SEMA5B: variants seen among roughly 807,000 people sequenced by gnomAD.
SEMA5B encodes the protein semaphorin 5B.
SEMA5B carries 66 observed loss-of-function variants against 135.0 expected under a neutral mutation model. That is an observed-to-expected ratio of 0.49 (90% CI 0.40 to 0.60). The LOEUF (loss-of-function observed/expected upper bound fraction) is 0.60. Ranked by LOEUF, SEMA5B falls within the 20% of genes least tolerant of loss-of-function variation. The pLI is 0.00. For synonymous variants in SEMA5B, 690 were observed against 639.5 expected (o/e 1.08, Z -1.19); for missense variants, 1,501 against 1,566.3 (o/e 0.96, Z 0.70).
At chr3:122,927,755 G>C in intron 8 of SEMA5B, 35 bp downstream of exon 8, 2 of 1,373,042 alleles carry the variant, frequency 1.5e-6, no homozygotes, top group Non-Finnish European at 1.9e-6. Flanking sequence ...TCAAAACCAG[G>C]GGAGTCCCCA....
chr3:122,968,671 G>A (rs914873826), intron 1 of SEMA5B, among the ~76,000 whole-genome samples: 3 of 152,124 alleles, frequency 2.0e-5, no homozygotes, highest in African/African-American at 4.8e-5. Flanking sequence ...GGCATCTGAG[G>A]TCATCCTGTC....
At chr3:123,016,483 C>G (rs181158584) in intron 1 of SEMA5B, among the ~76,000 whole-genome samples, 1 of 152,136 alleles carries the variant, frequency 6.6e-6, no homozygotes, top group Admixed American at 6.5e-5. Context: ...GTAAGTACTA[C>G]GTAAATAGTT....
chr3:122,992,621 C>A (rs73856797), intron 1 of SEMA5B, among the ~76,000 whole-genome samples: 5 of 152,156 alleles, frequency 3.3e-5, no homozygotes, highest in Admixed American at 3.3e-4. Context: ...CTCCTCACCC[C>A]CTATTGGCCC....
intron 1 of SEMA5B, among the ~76,000 whole-genome samples, chr3:122,972,761 G>A (rs956356366): frequency 6.6e-6 from 1 of 152,132 alleles, no homozygotes; most frequent in African/African-American, 2.4e-5. Context: ...TCACAACCAC[G>A]ATGCCATCAG....
rs2276781 is a variant in SEMA5B, at chr3:122,913,589, A to G, written c.2225T>C (p.Met742Thr). ...SKCSSNCGGG[M>T]QSRRRACENG... ...CTCGCAGGCCCGACGCCGCGACTGC[A>G]TGCCCCCTCCACAGTTGCTGCTGCA... The change falls in exon 16 of 23, where the codon ATG becomes ACG. Residue 742 changes from methionine (M) to threonine (T), a missense_variant. Around this residue, in one of 2 missense-constraint regions of SEMA5B, gnomAD observed 927 missense variants for 881.6 expected, o/e 1.05. Transcript: ENST00000357599. 0.048 allele frequency: 77,572 copies of G among 1,613,094 alleles called. 2,273 individuals carry two copies. Among genetic ancestry groups the G allele is most frequent in the South Asian group, 0.094 (8,516 of 91,006 alleles).
chr3:122,957,741 G>T (rs947908498), intron 2 of SEMA5B, among the ~76,000 whole-genome samples: 2 of 152,192 alleles, frequency 1.3e-5, no homozygotes, highest in Non-Finnish European at 2.9e-5. Context: ...CTTGCCCAAG[G>T]TCCCCCTGCC....
At position 122,913,862 on chromosome 3, in the gene SEMA5B, C is replaced by A; in HGVS notation, c.2128G>T (p.Glu710Ter). The A allele has an allele frequency of 6.2e-7, 1 of 1,603,148 alleles. No individual in the cohort carries two copies. ...AGCAAGCCTGTTCTCCCTCACCGTT[C>A]CTCCCGGCTCTTGCCCACGCAGATG... is the stretch of plus-strand genomic sequence containing the variant. Reference protein sequence around the residue: ...GRICVGKSREERFCNENTPCP... With the variant: ...GRICVGKSRE The change falls in exon 15 of 23, where the codon GAA becomes TAA. Residue 710 changes from glutamate to a stop codon, truncating the protein, a stop_gained. Transcript: ENST00000357599. LOFTEE classifies it high-confidence loss of function.
intron 1 of SEMA5B, among the ~76,000 whole-genome samples, chr3:122,978,480 T>A (rs572560544): frequency 6.6e-5 from 10 of 152,124 alleles, no homozygotes; most frequent in Admixed American, 2.6e-4. Flanking sequence ...CAGAGCTAGG[T>A]TTTTTCTTTT....
At chr3:123,014,322 G>A (rs907148555) in intron 1 of SEMA5B, among the ~76,000 whole-genome samples, 3 of 152,214 alleles carry the variant, frequency 2.0e-5, no homozygotes, top group East Asian at 3.8e-4. Context: ...AGTAGACAGC[G>A]TGTGTTTGGT....
chr3:122,915,518 C>T lies in SEMA5B; in HGVS notation c.1910G>A (p.Arg637Gln), dbSNP rs778251817. ...DNSGSCLCRA[R>Q]SCDSPRPRCG... ...GCGGGGTCGAGGGGAATCACAGGAT[C>T]GAGCTCGACACAGGCAAGAGCCTGA... is the stretch of plus-strand genomic sequence containing the variant. The change falls in exon 14 of 23, where the codon CGA becomes CAA. Residue 637 changes from arginine to glutamine, a missense_variant. Physicochemically the swap from Arg to Gln is conservative, Grantham distance 43. Transcript: ENST00000357599. 16 of 1,613,954 alleles carry T rather than the reference C, an allele frequency of 9.9e-6. No individual in the cohort carries two copies. The highest frequency in any genetic ancestry group is 7.7e-5 in the South Asian group (7 of 91,072).
chr3:122,911,856 G>A, intron 20 of SEMA5B, 64 bp downstream of exon 20: 1 of 1,510,864 alleles, frequency 6.6e-7, no homozygotes, highest in African/African-American at 1.4e-5. Context: ...GCTTCAGAAG[G>A]AGAAGGAAGT....
At position 122,909,823 on chromosome 3, in the gene SEMA5B, A is replaced by C. The variant is rs903186810; in HGVS notation, c.*320T>G. 4 of 247,796 alleles carry C rather than the reference A, an allele frequency of 1.6e-5. No individual in the cohort carries two copies. The highest frequency in any genetic ancestry group is 3.1e-5 in the Non-Finnish European group (4 of 130,586). The allele number at this position is 247,796 out of a possible 1,614,324, so 15.3% of individuals were successfully genotyped here. A position where few individuals can be genotyped will look rare whatever the true frequency, so the allele number is the denominator to read the frequency against. On this transcript the variant is annotated 3_prime_UTR_variant, in exon 23 of 23. Transcript: ENST00000357599. ...AAAAGCCTGCCCTCTTGCCATCTCCATTCTCCAATTCCTCAAATGCCCAGT... is the reference window on the plus strand; with the variant it reads ...AAAAGCCTGCCCTCTTGCCATCTCCCTTCTCCAATTCCTCAAATGCCCAGT...
chr3:122,936,810 C>T (rs1252553494), intron 5 of SEMA5B, among the ~76,000 whole-genome samples: 3 of 152,314 alleles, frequency 2.0e-5, no homozygotes, highest in African/African-American at 7.2e-5. Context: ...ACACACTGCC[C>T]CATCTGCTCC....
rs545704662 is a variant in SEMA5B, at chr3:122,978,115, G to A, written c.-38-16814C>T. 3.9e-5 allele frequency among the ~76,000 whole-genome samples: 6 copies of A among 152,380 alleles called. No individual in the cohort carries two copies. In the South Asian group the frequency reaches 1.0e-3, roughly 26 times the overall value. ...CCCACAGCTGAGTTTGCAGACTGAC[G>A]CAGGAGACAGAATTATAGGCAGAGG... On this transcript the variant is annotated intron_variant, in intron 1 of 22. Transcript: ENST00000357599.
chr3:122,972,650 G>A (rs1212498913), intron 1 of SEMA5B, among the ~76,000 whole-genome samples: 1 of 152,220 alleles, frequency 6.6e-6, no homozygotes, highest in Non-Finnish European at 1.5e-5. Flanking sequence ...GTCGGTAAGA[G>A]CTGTTGGGAT....
intron 1 of SEMA5B, among the ~76,000 whole-genome samples, chr3:122,999,035 T>A (rs1156401576): frequency 6.6e-6 from 1 of 152,114 alleles, no homozygotes; most frequent in Non-Finnish European, 1.5e-5. Context: ...ACACAACAGC[T>A]AGTGATGGAG....
At chr3:122,990,283 T>C (rs139478422) in intron 1 of SEMA5B, among the ~76,000 whole-genome samples, 118 of 152,088 alleles carry the variant, frequency 7.8e-4, no homozygotes, top group Admixed American at 1.4e-3. Context: ...GCAGAGTCAA[T>C]GGGAGACATG....
intron 1 of SEMA5B, among the ~76,000 whole-genome samples, chr3:123,000,338 C>A (rs1942138272): frequency 6.6e-6 from 1 of 152,066 alleles, no homozygotes; most frequent in Non-Finnish European, 1.5e-5. Context: ...GGTGCAGGTG[C>A]AAACCCTGGG....
chr3:122,926,128 T>G (rs1355072618), intron 9 of SEMA5B, among the ~76,000 whole-genome samples: 3 of 152,178 alleles, frequency 2.0e-5, no homozygotes, highest in Non-Finnish European at 4.4e-5. Context: ...AAGGCAGGCT[T>G]TTCCACCTTC....
Sources: allele counts gnomAD v4.1 joint callset (sites outside exome capture counted in the v4.1 genomes callset), GRCh38; gene constraint gnomAD v4.1.1; regional missense constraint gnomAD v4.1.1; transcripts MANE v1.5; gene names NCBI Gene and HGNC (gene_info 2026-07-23, HGNC 2026-07-21).